The following SYN3 variants were observed in gnomAD, a reference collection of about 807,000 sequenced individuals.
The protein encoded by SYN3 is synapsin-3.
Under a neutral mutation model 65.8 loss-of-function variants are expected in SYN3, and 35 were observed. The observed-to-expected ratio is 0.53, with a 90% CI of 0.41 to 0.70. SYN3 has a LOEUF of 0.70. Ranked by LOEUF, SYN3 falls within the 30% of genes least tolerant of loss-of-function variation. The pLI, the probability that SYN3 is intolerant of heterozygous loss-of-function variation, is 0.00. For missense variants in SYN3, 680 were observed against 749.0 expected (o/e 0.91, Z 1.08); for synonymous variants, 270 against 292.9 (o/e 0.92, Z 0.80).
intron 4 of SYN3, among the ~76,000 whole-genome samples, chr22:32,923,795 A>G (rs2050397265): frequency 1.3e-5 from 2 of 152,226 alleles, no homozygotes; most frequent in Non-Finnish European, 2.9e-5. Context: ...TCACCCAGAT[A>G]CAAAGCCTAG....
At chr22:32,946,053 AGAGGATGTG>A (rs557028864) in intron 3 of SYN3, among the ~76,000 whole-genome samples, 4,053 of 152,262 alleles carry the variant, frequency 0.027, 181 homozygotes, top group African/African-American at 0.092. Context: ...CAGGTGCTGG[AGAGGATGTG>A]GAGAAATAGG....
chr22:32,957,983 A>G (rs559750880), intron 3 of SYN3, among the ~76,000 whole-genome samples: 11 of 152,334 alleles, frequency 7.2e-5, no homozygotes, highest in Non-Finnish European at 7.3e-5. Context: ...CAGGGAAAAG[A>G]ACCCACCTGT....
At chr22:32,983,060 C>T (rs2052416790) in intron 2 of SYN3, among the ~76,000 whole-genome samples, 1 of 152,054 alleles carries the variant, frequency 6.6e-6, no homozygotes. Flanking sequence ...ACAAAGTTTC[C>T]ATTTTCTCTT....
chr22:32,859,418 T>A, intron 6 of SYN3: 1 of 1,585,448 alleles, frequency 6.3e-7, no homozygotes, highest in Middle Eastern at 1.7e-4. Flanking sequence ...CCCTTCCCGC[T>A]GAGCTTCCCT....
chr22:32,983,281 G>A (rs779509109), intron 2 of SYN3, among the ~76,000 whole-genome samples: 1 of 152,138 alleles, frequency 6.6e-6, no homozygotes, highest in African/African-American at 2.4e-5. Context: ...GCAGCCACAT[G>A]ATTTATTTCT....
chr22:32,638,092 C>A (rs1428487990), intron 6 of SYN3, among the ~76,000 whole-genome samples: 3 of 152,176 alleles, frequency 2.0e-5, no homozygotes, highest in Non-Finnish European at 4.4e-5. Flanking sequence ...TCTGCATTAA[C>A]TTCCTTGGGA....
chr22:32,567,354 C>T (rs4993264), intron 7 of SYN3, among the ~76,000 whole-genome samples: 130 of 124,454 alleles, frequency 1.0e-3, no homozygotes, highest in South Asian at 2.4e-3. Flanking sequence ...CCCTCCCTCC[C>T]TTCTTTCCTT....
chr22:32,711,641 C>A (rs1409047303), intron 6 of SYN3, among the ~76,000 whole-genome samples: 1 of 152,216 alleles, frequency 6.6e-6, no homozygotes, highest in East Asian at 1.9e-4. Flanking sequence ...TATGCCTCTT[C>A]CTTCTTATCA....
intron 7 of SYN3, chr22:32,584,273 C>T (rs748704554): frequency 1.2e-4 from 19 of 152,164 alleles, no homozygotes; most frequent in South Asian, 4.1e-4. Context: ...GACATCATGA[C>T]GCAATATCCA....
At chr22:32,775,419 A>C (rs1249265919) in intron 6 of SYN3, among the ~76,000 whole-genome samples, 1 of 152,192 alleles carries the variant, frequency 6.6e-6, no homozygotes, top group Non-Finnish European at 1.5e-5. Context: ...GTGGAATGCC[A>C]AGAGAGTGGT....
intron 8 of SYN3, among the ~76,000 whole-genome samples, chr22:32,539,439 T>C (rs5754137): frequency 0.65 from 98,076 of 152,026 alleles, 31,761 homozygotes; most frequent in East Asian, 0.9. Flanking sequence ...GGGACATCCA[T>C]AGGACTCTGT....
intron 4 of SYN3, among the ~76,000 whole-genome samples, chr22:32,873,961 T>A (rs1363139312): frequency 1.3e-5 from 2 of 149,904 alleles, no homozygotes; most frequent in African/African-American, 5.0e-5. Context: ...ACCCCATCTC[T>A]ACAAAAAATA....
intron 1 of SYN3, among the ~76,000 whole-genome samples, chr22:33,044,800 G>A (rs1373897335): frequency 6.6e-6 from 1 of 151,296 alleles, no homozygotes; most frequent in Non-Finnish European, 1.5e-5. Context: ...GAGGGATCAG[G>A]GCCTAGCCAC....
intron 4 of SYN3, among the ~76,000 whole-genome samples, chr22:32,878,038 T>G (rs189433562): frequency 2.8e-4 from 42 of 152,270 alleles, no homozygotes; most frequent in Non-Finnish European, 5.1e-4. Flanking sequence ...AACAAAGGCA[T>G]AGAGAGATGA....
At chr22:32,522,382 C>T (rs945642785) in intron 12 of SYN3, among the ~76,000 whole-genome samples, 52 of 152,074 alleles carry the variant, frequency 3.4e-4, no homozygotes, top group African/African-American at 1.2e-3. Flanking sequence ...TTACTCTGGG[C>T]CAGAGAGGAA....
chr22:33,046,483 G>C (rs1177082556), intron 1 of SYN3, among the ~76,000 whole-genome samples: 2 of 152,132 alleles, frequency 1.3e-5, no homozygotes, highest in Non-Finnish European at 2.9e-5. Flanking sequence ...ACTTTGGGAG[G>C]CCGAGGCAGG....
At chr22:32,615,821 C>G (rs139525608) in intron 6 of SYN3, among the ~76,000 whole-genome samples, 1 of 152,170 alleles carries the variant, frequency 6.6e-6, no homozygotes, top group Admixed American at 6.5e-5. Flanking sequence ...GTTCACAGCA[C>G]GGCTGGGCCA....
intron 6 of SYN3, among the ~76,000 whole-genome samples, chr22:32,786,210 G>C (rs1602144533): frequency 6.6e-6 from 1 of 152,104 alleles, no homozygotes; most frequent in East Asian, 1.9e-4. Context: ...TTCCAGAGAA[G>C]CAAAATCTTT....
intron 6 of SYN3, among the ~76,000 whole-genome samples, chr22:32,652,553 T>G (rs2146958274): frequency 6.6e-6 from 1 of 152,114 alleles, no homozygotes; most frequent in Middle Eastern, 3.4e-3. Flanking sequence ...CAAATCAGAT[T>G]TATATAAAAA....
Sources: gnomAD v4.1 joint callset for allele counts (sites outside exome capture counted in the v4.1 genomes callset) on GRCh38, gnomAD v4.1.1 for gene constraint, MANE v1.5 for transcripts, NCBI Gene and HGNC (gene_info 2026-07-23, HGNC 2026-07-21) for gene names.